Variants in STXBP5L observed in about 807,000 individuals in gnomAD.
STXBP5L encodes the protein syntaxin binding protein 5L, also known as syntaxin-binding protein 5-like.
STXBP5L carries 65 observed loss-of-function variants against 144.5 expected under a neutral mutation model. The observed-to-expected ratio is 0.45, with a 90% CI of 0.37 to 0.55. STXBP5L has a LOEUF of 0.55. Ranked by LOEUF, STXBP5L falls within the 20% of genes least tolerant of loss-of-function variation. STXBP5L has a pLI of 0.00. For missense variants in STXBP5L, 1,298 were observed against 1,405.5 expected (o/e 0.92, Z 1.22); for synonymous variants, 505 against 469.6 (o/e 1.08, Z -0.97).
chr3:121,373,413 C>G (rs1234949825), intron 20 of STXBP5L, among the ~76,000 whole-genome samples: 1 of 152,210 alleles, frequency 6.6e-6, no homozygotes, highest in East Asian at 1.9e-4. Context: ...GGAATTCGTG[C>G]TGGGACCTCT....
chr3:120,948,685 T>C (rs995614671), intron 2 of STXBP5L, among the ~76,000 whole-genome samples: 1 of 151,960 alleles, frequency 6.6e-6, no homozygotes, highest in African/African-American at 2.4e-5. Context: ...TTACTTAACT[T>C]AGAATAATGG....
At position 121,338,992 on chromosome 3, in the gene STXBP5L, T is replaced by C. The variant is rs2044611211; in HGVS notation, c.2176+20452T>C. On this transcript the variant is annotated intron_variant, in intron 20 of 26. Transcript: ENST00000471454. ...ACATTCAAAGAATTGGCGCCAATTT[T>C]GCTGAAACTATTCTAAAAGACTGAG... Among the ~76,000 whole-genome samples, 3 of 152,160 alleles carry C rather than the reference T, an allele frequency of 2.0e-5. No individual in the cohort carries two copies. The South Asian group carries it at 6.2e-4, about 32-fold the overall frequency.
chr3:121,075,893 C>A (rs1224864537), intron 5 of STXBP5L, among the ~76,000 whole-genome samples: 5 of 152,186 alleles, frequency 3.3e-5, no homozygotes, highest in African/African-American at 9.7e-5. Context: ...CTCTAGAGAG[C>A]AGCTTGTATA....
In STXBP5L at chr3:120,934,091, CT is replaced by C. The variant is rs200329422; in HGVS notation, c.190-20836del. 8.2e-3 allele frequency among the ~76,000 whole-genome samples: 1,135 copies of C among 138,018 alleles called. 12 individuals are homozygous for C. The highest frequency in any genetic ancestry group is 0.02 in the African/African-American group (749 of 37,556). The allele number at this position is 138,018 out of a possible 152,430, so 90.5% of individuals were successfully genotyped here. A position where few individuals can be genotyped will look rare whatever the true frequency, so the allele number is the denominator to read the frequency against. On this transcript the variant is annotated intron_variant, in intron 2 of 26. Transcript: ENST00000471454. ...TATTTCTTTCCCTAGTTTTCTTTTT[CT>C]TTTTTTTTTTTTCATTTCTCTTTGT...
chr3:120,938,918 A>G lies in STXBP5L; in HGVS notation c.190-16022A>G, dbSNP rs969656441. 2.6e-5 allele frequency among the ~76,000 whole-genome samples: 4 copies of G among 151,928 alleles called. No homozygotes were observed. In the South Asian group the frequency reaches 8.3e-4, roughly 32 times the overall value. On this transcript the variant is annotated intron_variant, in intron 2 of 26. Transcript: ENST00000471454. ...ACCTCATCCTTCCCAAGTAGCTGGAACTACAGGGGCGAAACACCATTCCTG... is the reference window on the plus strand; with the variant it reads ...ACCTCATCCTTCCCAAGTAGCTGGAGCTACAGGGGCGAAACACCATTCCTG...
At chr3:121,021,803 T>A (rs1251410804) in intron 3 of STXBP5L, among the ~76,000 whole-genome samples, 3 of 152,048 alleles carry the variant, frequency 2.0e-5, no homozygotes, top group Non-Finnish European at 4.4e-5. Flanking sequence ...AATGCCTATA[T>A]AAAAAAGTCT....
chr3:121,318,611 C>T, intron 20 of STXBP5L, 71 bp downstream of exon 20: 2 of 1,084,506 alleles, frequency 1.8e-6, no homozygotes, highest in Non-Finnish European at 1.3e-6. Context: ...TTTTCATGAT[C>T]TTTATAATGT....
intron 15 of STXBP5L, among the ~76,000 whole-genome samples, chr3:121,253,356 C>T (rs984081472): frequency 1.3e-5 from 2 of 151,632 alleles, no homozygotes; most frequent in Non-Finnish European, 2.9e-5. Context: ...TTATCTCTTC[C>T]TTCCATACAT....
At chr3:121,321,074 A>C (rs2043955519) in intron 20 of STXBP5L, among the ~76,000 whole-genome samples, 1 of 152,168 alleles carries the variant, frequency 6.6e-6, no homozygotes, top group Non-Finnish European at 1.5e-5. Flanking sequence ...AAAGCAGGAA[A>C]ATTTTGACTA....
At chr3:121,303,725 G>T (rs1214509557) in intron 19 of STXBP5L, among the ~76,000 whole-genome samples, 1 of 152,146 alleles carries the variant, frequency 6.6e-6, no homozygotes, top group Admixed American at 6.5e-5. Context: ...CATGTCCTTT[G>T]TAGGGACATG....
intron 5 of STXBP5L, among the ~76,000 whole-genome samples, chr3:121,095,328 G>C (rs2043058801): frequency 1.3e-5 from 2 of 152,066 alleles, no homozygotes; most frequent in South Asian, 4.1e-4. Flanking sequence ...TTTGAATGTT[G>C]GCCTGTCCTT....
chr3:121,005,836 T>G (rs1338290831), intron 3 of STXBP5L, among the ~76,000 whole-genome samples: 1 of 152,250 alleles, frequency 6.6e-6, no homozygotes. Flanking sequence ...GAGCAGGTTG[T>G]TCAGTTTCCA....
chr3:121,313,916 A>G (rs1026012696), intron 19 of STXBP5L, among the ~76,000 whole-genome samples: 92 of 147,170 alleles, frequency 6.3e-4, no homozygotes, highest in Middle Eastern at 3.6e-3. Context: ...CACCTCCCAG[A>G]CAGGGTTGCG....
chr3:121,388,634 G>A (rs1199736889), intron 22 of STXBP5L, among the ~76,000 whole-genome samples: 3 of 152,154 alleles, frequency 2.0e-5, no homozygotes, highest in African/African-American at 7.2e-5. Flanking sequence ...GGCCTTTTCT[G>A]CATCTATTGA....
intron 6 of STXBP5L, among the ~76,000 whole-genome samples, chr3:121,119,961 C>T (rs1246648804): frequency 2.0e-5 from 3 of 150,992 alleles, no homozygotes; most frequent in Non-Finnish European, 4.5e-5. Context: ...GCATGTGATC[C>T]GAGTAGTGTT....
intron 3 of STXBP5L, among the ~76,000 whole-genome samples, chr3:120,986,119 C>G (rs1942264175): frequency 6.6e-6 from 1 of 151,900 alleles, no homozygotes; most frequent in Non-Finnish European, 1.5e-5. Flanking sequence ...TAAGTATTTT[C>G]TATTTCCCTT....
chr3:121,344,771 T>G (rs914951217), intron 20 of STXBP5L, among the ~76,000 whole-genome samples: 2 of 151,772 alleles, frequency 1.3e-5, no homozygotes, highest in African/African-American at 4.8e-5. Flanking sequence ...GGAAGAGGAA[T>G]TATACTAATT....
At chr3:121,208,709 G>C (rs1247891278) in intron 10 of STXBP5L, among the ~76,000 whole-genome samples, 1 of 151,952 alleles carries the variant, frequency 6.6e-6, no homozygotes, top group Non-Finnish European at 1.5e-5. Flanking sequence ...TTAAGGTGCA[G>C]GACACTATAT....
intron 14 of STXBP5L, among the ~76,000 whole-genome samples, chr3:121,244,857 A>C (rs1030570236): frequency 2.6e-5 from 4 of 152,118 alleles, no homozygotes; most frequent in African/African-American, 9.7e-5. Context: ...AAAATGAAGG[A>C]GCAATAAGAC....
Sources: gnomAD v4.1 joint callset for allele counts (sites outside exome capture counted in the v4.1 genomes callset) on GRCh38, gnomAD v4.1.1 for gene constraint, MANE v1.5 for transcripts, NCBI Gene and HGNC (gene_info 2026-07-23, HGNC 2026-07-21) for gene names.